SH3GL2: variants seen among roughly 807,000 people sequenced by gnomAD.
The protein encoded by SH3GL2 is SH3 domain containing GRB2 like 2, endophilin A1.
Under a neutral mutation model 46.0 loss-of-function variants are expected in SH3GL2, and 24 were observed. The ratio of observed to expected loss-of-function variants is 0.52; its 90% CI spans 0.38 to 0.73. The LOEUF is 0.73. Among genes scored for constraint, SH3GL2 ranks in the 30% least tolerant of loss-of-function variants. The probability of loss-of-function intolerance (pLI) is 0.00; values close to 1 mark genes in which losing one functional copy is unlikely to be tolerated. For synonymous variants in SH3GL2, 196 were observed against 147.1 expected (o/e 1.33, Z -2.40); for missense variants, 413 against 424.2 (o/e 0.97, Z 0.23).
intron 1 of SH3GL2, among the ~76,000 whole-genome samples, chr9:17,585,522 G>A (rs1426423202): frequency 6.6e-6 from 1 of 152,166 alleles, no homozygotes; most frequent in Non-Finnish European, 1.5e-5. Flanking sequence ...ATACTCACAT[G>A]TCTTAGAATG....
chr9:17,778,408 G>C (rs769942056), intron 3 of SH3GL2, among the ~76,000 whole-genome samples: 3 of 152,100 alleles, frequency 2.0e-5, no homozygotes, highest in African/African-American at 4.8e-5. Flanking sequence ...TTAAAATGAA[G>C]AGTAAGAGGG....
At chr9:17,755,527 C>G (rs562261821) in intron 2 of SH3GL2, among the ~76,000 whole-genome samples, 1 of 152,118 alleles carries the variant, frequency 6.6e-6, no homozygotes, top group African/African-American at 2.4e-5. Context: ...GTCTTGAACT[C>G]CTGGCCTTAA....
intron 1 of SH3GL2, among the ~76,000 whole-genome samples, chr9:17,627,607 T>C (rs776817633): frequency 1.3e-4 from 20 of 152,256 alleles, no homozygotes; most frequent in Non-Finnish European, 2.8e-4. Flanking sequence ...GAGTATAATT[T>C]CTATGAATTG....
In SH3GL2 at chr9:17,793,502, G is replaced by A. The variant is rs1824193243; in HGVS notation, c.859+5G>A. ...CAGGCACTCCCAAACCTTCAGGTAA[G>A]AGCTGAAACTGCAGATCCTATTGCA... On this transcript the variant is annotated splice_donor_5th_base_variant and intron_variant, in intron 8 of 8. Transcript: ENST00000380607. 6.2e-7 allele frequency: 1 copy of A among 1,612,566 alleles called. No homozygotes were observed.
rs1282215257 is a variant in SH3GL2 at position 17,579,098 on chromosome 9, C to T, written c.-145C>T. 3.9e-6 allele frequency: 2 copies of T among 509,404 alleles called. No homozygotes were observed. Among genetic ancestry groups the T allele is most frequent in the Non-Finnish European group, 6.7e-6 (2 of 299,428 alleles). The allele number at this position is 509,404 out of a possible 1,614,324, so 31.6% of individuals were successfully genotyped here. On this transcript the variant is annotated 5_prime_UTR_variant, in exon 1 of 9. Coordinates refer to ENST00000380607, the MANE Select transcript of SH3GL2 (RefSeq NM_003026.5). ...TGTTTCTCCGCAAGAGCCCGTGTCC[C>T]GCTAGGCTCCGCGCCCTCGCGCCCA...
intron 1 of SH3GL2, among the ~76,000 whole-genome samples, chr9:17,696,971 C>G (rs1248334396): frequency 6.6e-6 from 1 of 151,962 alleles, no homozygotes; most frequent in East Asian, 1.9e-4. Flanking sequence ...GCCTCATTGC[C>G]TCTTAGAAAT....
chr9:17,638,291 C>T (rs1819593675), intron 1 of SH3GL2, among the ~76,000 whole-genome samples: 1 of 152,140 alleles, frequency 6.6e-6, no homozygotes, highest in Non-Finnish European at 1.5e-5. Flanking sequence ...TTTCGTTAGA[C>T]ATTCATTTAT....
intron 1 of SH3GL2, among the ~76,000 whole-genome samples, chr9:17,688,295 C>T (rs1033810240): frequency 6.6e-6 from 1 of 151,906 alleles, no homozygotes; most frequent in Non-Finnish European, 1.5e-5. Flanking sequence ...GAGTTATTTT[C>T]TGTTTACGTA....
chr9:17,643,802 T>C (rs1320379648), intron 1 of SH3GL2, among the ~76,000 whole-genome samples: 1 of 152,174 alleles, frequency 6.6e-6, no homozygotes, highest in Non-Finnish European at 1.5e-5. Flanking sequence ...CTCTTTTTTG[T>C]TGTGTTTCTG....
intron 3 of SH3GL2, among the ~76,000 whole-genome samples, chr9:17,776,314 T>C (rs1040345423): frequency 3.3e-5 from 5 of 152,202 alleles, no homozygotes; most frequent in Non-Finnish European, 4.4e-5. Flanking sequence ...CCTGTTTTTT[T>C]CCCTAGGAAA....
chr9:17,761,875 A>C (rs991182662), intron 3 of SH3GL2, among the ~76,000 whole-genome samples: 22 of 152,342 alleles, frequency 1.4e-4, no homozygotes, highest in African/African-American at 5.1e-4. Flanking sequence ...AATGATTCCC[A>C]GAAGATGTGA....
At chr9:17,762,035 G>A (rs1463354909) in intron 3 of SH3GL2, among the ~76,000 whole-genome samples, 1 of 152,096 alleles carries the variant, frequency 6.6e-6, no homozygotes, top group Non-Finnish European at 1.5e-5. Context: ...TATACTCTAA[G>A]AAAAAGAAGT....
At chr9:17,738,515 T>C (rs1822410014) in intron 1 of SH3GL2, among the ~76,000 whole-genome samples, 1 of 117,272 alleles carries the variant, frequency 8.5e-6, no homozygotes, top group African/African-American at 3.0e-5. Flanking sequence ...TATATACATA[T>C]GTGTGTGTAT....
intron 1 of SH3GL2, among the ~76,000 whole-genome samples, chr9:17,654,654 A>C (rs1820030478): frequency 6.6e-6 from 1 of 152,234 alleles, no homozygotes; most frequent in African/African-American, 2.4e-5. Flanking sequence ...CTTATAAAAA[A>C]TTATGAAAAT....
At chr9:17,611,899 A>G (rs775878071) in intron 1 of SH3GL2, among the ~76,000 whole-genome samples, 9 of 152,186 alleles carry the variant, frequency 5.9e-5, no homozygotes, top group East Asian at 1.9e-4. Flanking sequence ...GCCTATCTCA[A>G]CACTCTTTCC....
chr9:17,592,107 G>A (rs1818494685), intron 1 of SH3GL2, among the ~76,000 whole-genome samples: 2 of 152,256 alleles, frequency 1.3e-5, no homozygotes, highest in South Asian at 4.1e-4. Context: ...TACAGTCCAA[G>A]TCCAAAGGCC....
intron 1 of SH3GL2, chr9:17,589,321 T>C (rs557685704): frequency 1.3e-5 from 2 of 152,346 alleles, no homozygotes; most frequent in African/African-American, 4.8e-5. Context: ...TGTGCCGCTA[T>C]GCCTGGCCCA....
At chr9:17,715,301 C>G (rs750970955) in intron 1 of SH3GL2, among the ~76,000 whole-genome samples, 1 of 150,586 alleles carries the variant, frequency 6.6e-6, no homozygotes, top group African/African-American at 2.4e-5. Flanking sequence ...TGTAATTTGC[C>G]TAGTGTTTCT....
intron 1 of SH3GL2, among the ~76,000 whole-genome samples, chr9:17,739,925 A>G (rs1822475105): frequency 6.6e-6 from 1 of 152,122 alleles, no homozygotes. Flanking sequence ...CAATTTCTGC[A>G]TTTTCCATAA....
Sources: allele counts gnomAD v4.1 joint callset (sites outside exome capture counted in the v4.1 genomes callset), GRCh38; gene constraint gnomAD v4.1.1; transcripts MANE v1.5; gene names NCBI Gene and HGNC (gene_info 2026-07-23, HGNC 2026-07-21).